The following DGCR2 variants were observed in gnomAD, a reference collection of about 807,000 sequenced individuals.
The protein encoded by DGCR2 is integral membrane protein DGCR2/IDD.
In DGCR2, 24 loss-of-function variants were observed where a neutral mutation model predicts 51.6. That is an observed-to-expected ratio of 0.47 (90% CI 0.34 to 0.65). DGCR2 has a LOEUF of 0.65. Among genes scored for constraint, DGCR2 ranks in the 30% least tolerant of loss-of-function variants. DGCR2 has a pLI of 0.01. For synonymous variants in DGCR2, 340 were observed against 315.4 expected (o/e 1.08, Z -0.82); for missense variants, 765 against 772.1 (o/e 0.99, Z 0.11).
At position 19,037,042 on chromosome 22, in the gene DGCR2, CAT is replaced by C. The variant is rs1569029612; in HGVS notation, c.*1821_*1822del. On this transcript the variant is annotated 3_prime_UTR_variant, in exon 10 of 10. Transcript: ENST00000263196. ...CTGGCCACCTGGCACCCATAATGCA[CAT>C]GCCTGCTGCTCTGGAACCTGGCTGC... 1.3e-5 allele frequency: 2 copies of C among 152,478 alleles called. No individual in the cohort carries two copies. The highest frequency in any genetic ancestry group is 2.9e-5 in the Non-Finnish European group (2 of 68,238). The allele number at this position is 152,478 out of a possible 1,614,324, so 9.4% of individuals were successfully genotyped here.
chr22:19,076,901 TTG>T (rs1369783465), intron 2 of DGCR2, among the ~76,000 whole-genome samples: 1 of 151,872 alleles, frequency 6.6e-6, no homozygotes, highest in African/African-American at 2.4e-5. Flanking sequence ...GGCTAATTTT[TTG>T]TGTTTTTTAG....
intron 7 of DGCR2, among the ~76,000 whole-genome samples, chr22:19,042,591 G>A (rs1044129803): frequency 2.0e-5 from 3 of 152,202 alleles, no homozygotes; most frequent in East Asian, 1.9e-4. Context: ...TGGCTCGGGC[G>A]GCTGCCGTAG....
chr22:19,044,391 C>T (rs1390155446), intron 7 of DGCR2, among the ~76,000 whole-genome samples: 1 of 152,224 alleles, frequency 6.6e-6, no homozygotes, highest in Non-Finnish European at 1.5e-5. Flanking sequence ...TGACAAGGAG[C>T]TCACCATTTC....
At chr22:19,104,434 T>C (rs1276684692) in intron 1 of DGCR2, among the ~76,000 whole-genome samples, 1 of 152,204 alleles carries the variant, frequency 6.6e-6, no homozygotes, top group Non-Finnish European at 1.5e-5. Context: ...TTTAGTATGC[T>C]GCATAAATTG....
chr22:19,087,292 A>C (rs1462040001), intron 2 of DGCR2, among the ~76,000 whole-genome samples: 1 of 152,034 alleles, frequency 6.6e-6, no homozygotes, highest in Non-Finnish European at 1.5e-5. Context: ...CACCATCCAA[A>C]CCCTCATTTG....
intron 3 of DGCR2, 169 bp from the exon 4 acceptor site, chr22:19,065,236 C>T (rs1163382390): frequency 1.3e-5 from 8 of 607,798 alleles, no homozygotes; most frequent in Non-Finnish European, 2.3e-5. Flanking sequence ...CAGAAATGCT[C>T]AAGTTTCTCT....
chr22:19,111,595 G>A (rs1302398086), intron 1 of DGCR2, among the ~76,000 whole-genome samples: 1 of 152,112 alleles, frequency 6.6e-6, no homozygotes, highest in African/African-American at 2.4e-5. Flanking sequence ...CCTCCACAAT[G>A]AGTCTTGTCA....
intron 1 of DGCR2, among the ~76,000 whole-genome samples, chr22:19,095,348 G>A (rs1239379879): frequency 6.6e-6 from 1 of 151,650 alleles, no homozygotes; most frequent in Non-Finnish European, 1.5e-5. Flanking sequence ...GGCAACAAGA[G>A]CAAAATTCTG....
At chr22:19,098,739 C>T (rs2083169152) in intron 1 of DGCR2, among the ~76,000 whole-genome samples, 1 of 152,122 alleles carries the variant, frequency 6.6e-6, no homozygotes. Context: ...AGGCACATAC[C>T]ACCATACTCA....
At chr22:19,119,478 G>GT (rs764564727) in intron 1 of DGCR2, among the ~76,000 whole-genome samples, 6 of 152,202 alleles carry the variant, frequency 3.9e-5, no homozygotes, top group Non-Finnish European at 8.8e-5. Flanking sequence ...CCTCAGGCCT[G>GT]TAATTCCAGC....
chr22:19,054,767 G>C (rs1276561397), intron 6 of DGCR2, among the ~76,000 whole-genome samples: 1 of 150,512 alleles, frequency 6.6e-6, no homozygotes, highest in East Asian at 1.9e-4. Context: ...AGAGAGTCAA[G>C]GAGAGTATAG....
intron 1 of DGCR2, among the ~76,000 whole-genome samples, chr22:19,102,684 A>G (rs987442851): frequency 2.6e-5 from 4 of 151,890 alleles, no homozygotes; most frequent in African/African-American, 9.7e-5. Context: ...CCTGGGTGAC[A>G]GAGCGAGACT....
chr22:19,111,472 G>C (rs1189043661), intron 1 of DGCR2, among the ~76,000 whole-genome samples: 4 of 152,178 alleles, frequency 2.6e-5, no homozygotes. Flanking sequence ...TGAGTTTCCT[G>C]TTCTTGCTTC....
intron 3 of DGCR2, among the ~76,000 whole-genome samples, chr22:19,065,452 A>G (rs973536566): frequency 6.6e-6 from 1 of 152,176 alleles, no homozygotes; most frequent in Non-Finnish European, 1.5e-5. Flanking sequence ...CTCCGCTGCC[A>G]GCTAGCTCAC....
At chr22:19,091,347 G>A (rs769429154) in intron 1 of DGCR2, among the ~76,000 whole-genome samples, 1 of 152,084 alleles carries the variant, frequency 6.6e-6, no homozygotes, top group Non-Finnish European at 1.5e-5. Context: ...CAACAGGAGT[G>A]AGACTCTGTC....
At chr22:19,039,164 T>C in intron 9 of DGCR2, 43 bp from the exon 10 acceptor site, 1 of 1,607,564 alleles carries the variant, frequency 6.2e-7, no homozygotes, top group African/African-American at 1.3e-5. Flanking sequence ...GGTACGGGCC[T>C]GGCACAGGGG....
At chr22:19,122,039 G>C in intron 1 of DGCR2, 89 bp downstream of exon 1, 1 of 1,006,766 alleles carries the variant, frequency 9.9e-7, no homozygotes, top group Non-Finnish European at 1.3e-6. Flanking sequence ...GGCCCCTGCA[G>C]GAGGGCGCCG....
chr22:19,059,138 A>G (rs886657403), intron 5 of DGCR2, among the ~76,000 whole-genome samples: 1 of 152,142 alleles, frequency 6.6e-6, no homozygotes, highest in Non-Finnish European at 1.5e-5. Flanking sequence ...GTAGTGAAGG[A>G]AGGGGCTGCT....
In DGCR2 at chr22:19,065,010, T is replaced by C; in HGVS notation, c.386A>G (p.Tyr129Cys). The change falls in exon 4 of 10, where the codon TAC becomes TGC. Residue 129 changes from tyrosine to cysteine, a missense_variant. Coordinates refer to ENST00000263196, the MANE Select transcript of DGCR2 (RefSeq NM_005137.3). The stretch of plus-strand genomic sequence containing the variant: ...GTTCTCCCCGCTCAGGTAGACCCGG[T>C]AGCAGCTGGCCGTGCCTTCGTAGTG... ...WHHYEGTASC[Y>C]RVYLSGENYW... 6.2e-7 allele frequency: 1 copy of C among 1,614,074 alleles called. No individual in the cohort carries two copies. The highest frequency in any genetic ancestry group is 8.5e-7 in the Non-Finnish European group (1 of 1,180,048).
Sources: allele counts gnomAD v4.1 joint callset (sites outside exome capture counted in the v4.1 genomes callset), GRCh38; gene constraint gnomAD v4.1.1; transcripts MANE v1.5; gene names NCBI Gene and HGNC (gene_info 2026-07-23, HGNC 2026-07-21).